The following TCERG1L variants were observed in gnomAD, a reference collection of about 807,000 sequenced individuals.
The protein encoded by TCERG1L is transcription elongation regulator 1-like protein.
In TCERG1L, 37 loss-of-function variants were observed where a neutral mutation model predicts 56.3. That is an observed-to-expected ratio of 0.66 (90% CI 0.51 to 0.87). The LOEUF is 0.87. Among genes scored for constraint, TCERG1L ranks in the 40% least tolerant of loss-of-function variants. The pLI is 0.00. For synonymous variants in TCERG1L, 324 were observed against 326.3 expected (o/e 0.99, Z 0.08); for missense variants, 799 against 774.2 (o/e 1.03, Z -0.38).
chr10:131,177,091 C>G (rs1309303002), intron 4 of TCERG1L, among the ~76,000 whole-genome samples: 5 of 101,718 alleles, frequency 4.9e-5, no homozygotes, highest in Non-Finnish European at 9.4e-5. Flanking sequence ...CACGTACTCA[C>G]AGACACATGC....
intron 4 of TCERG1L, among the ~76,000 whole-genome samples, chr10:131,198,733 T>C (rs1037920343): frequency 3.9e-5 from 6 of 152,184 alleles, no homozygotes; most frequent in African/African-American, 1.4e-4. Flanking sequence ...CTCTCATGTA[T>C]CCACTAGGCA....
At chr10:131,102,424 C>T (rs1311678692) in intron 10 of TCERG1L, among the ~76,000 whole-genome samples, 1 of 152,178 alleles carries the variant, frequency 6.6e-6, no homozygotes, top group African/African-American at 2.4e-5. Flanking sequence ...GTCCATGTGA[C>T]TGAGACTCTG....
At chr10:131,193,910 T>TCA (rs1176803923) in intron 4 of TCERG1L, among the ~76,000 whole-genome samples, 1 of 152,244 alleles carries the variant, frequency 6.6e-6, no homozygotes, top group African/African-American at 2.4e-5. Context: ...AGCACAGCCC[T>TCA]GTGTACCCCT....
chr10:131,104,232 C>T, intron 10 of TCERG1L, 33 bp downstream of exon 10: 1 of 1,416,642 alleles, frequency 7.1e-7, no homozygotes, highest in Non-Finnish European at 9.8e-7. Context: ...CATGCCATGT[C>T]TCTGCAGTCA....
Position 131,104,313 on chromosome 10 carries a change from G to A in TCERG1L, c.1437C>T (p.Ile479=), listed in dbSNP as rs545104594. ...FSTWEKELHK[I]VFDPRYLLLN... ...GCAGGAGATAGCGTGGGTCAAACACGATTTTGTGTAATTCTTTCTCCCAGG... is the reference window on the plus strand; with the variant it reads ...GCAGGAGATAGCGTGGGTCAAACACAATTTTGTGTAATTCTTTCTCCCAGG... The change falls in exon 10 of 12, where the codon ATC becomes ATT. Residue 479 remains isoleucine, a synonymous_variant. Transcript: ENST00000368642. The A allele has an allele frequency of 1.7e-5, 26 of 1,550,714 alleles. No individual in the cohort carries two copies. The highest frequency in any genetic ancestry group is 1.4e-4 in the South Asian group (12 of 84,010).
chr10:131,110,148 G>C (rs1303143173), intron 9 of TCERG1L, among the ~76,000 whole-genome samples: 1 of 152,202 alleles, frequency 6.6e-6, no homozygotes, highest in Non-Finnish European at 1.5e-5. Context: ...TTTCACAGCG[G>C]TTTTCAACAT....
At chr10:131,302,339 T>G (rs1318977168) in intron 3 of TCERG1L, among the ~76,000 whole-genome samples, 46 of 141,038 alleles carry the variant, frequency 3.3e-4, no homozygotes, top group African/African-American at 4.1e-4. Context: ...TGTTTTTTTG[T>G]TTTTTTTTTT....
chr10:131,221,570 C>T (rs1845732063), intron 4 of TCERG1L, among the ~76,000 whole-genome samples: 1 of 152,184 alleles, frequency 6.6e-6, no homozygotes, highest in African/African-American at 2.4e-5. Flanking sequence ...ATGTGGCACT[C>T]AGAAGATAAC....
At chr10:131,257,045 GAAAGAAAGA>G (rs1564827252) in intron 4 of TCERG1L, among the ~76,000 whole-genome samples, 3 of 140,270 alleles carry the variant, frequency 2.1e-5, no homozygotes, top group African/African-American at 8.0e-5. Flanking sequence ...AAGAAAGAAA[GAAAGAAAGA>G]AAAGAAAGAA....
At chr10:131,171,769 C>T (rs1316935409) in intron 4 of TCERG1L, among the ~76,000 whole-genome samples, 1 of 152,138 alleles carries the variant, frequency 6.6e-6, no homozygotes, top group Non-Finnish European at 1.5e-5. Context: ...TAGGGTTTCA[C>T]CATGTTGGCC....
intron 1 of TCERG1L, among the ~76,000 whole-genome samples, chr10:131,309,527 T>C (rs1846856184): frequency 6.6e-6 from 1 of 152,188 alleles, no homozygotes; most frequent in Non-Finnish European, 1.5e-5. Context: ...ATTGCATTCT[T>C]CAATACTGAA....
rs376941058 is a variant in TCERG1L at position 131,204,146 on chromosome 10, G to C, written c.857-37261C>G. On this transcript the variant is annotated intron_variant, in intron 4 of 11. Transcript: ENST00000368642. ...GGACACAGCAAGGAGGCGCCATCTT[G>C]GAAGCCTGGTGGCTTAGCACTGGGC... Among the ~76,000 whole-genome samples the C allele has an allele frequency of 1.2e-3, 177 of 152,342 alleles. 9 individuals are homozygous for C. The South Asian group carries it at 0.036, about 31-fold the overall frequency.
intron 4 of TCERG1L, among the ~76,000 whole-genome samples, chr10:131,169,834 C>T (rs868327171): frequency 6.6e-6 from 1 of 152,082 alleles, no homozygotes. Context: ...GCGAGGAGGC[C>T]GTAAGCCCAT....
intron 11 of TCERG1L, among the ~76,000 whole-genome samples, chr10:131,096,096 C>T (rs61548677): frequency 0.095 from 14,435 of 152,232 alleles, 787 homozygotes; most frequent in African/African-American, 0.14. Context: ...CCCTGCAACT[C>T]CTCACGCCAT....
chr10:131,198,446 G>A (rs543146242), intron 4 of TCERG1L, among the ~76,000 whole-genome samples: 1 of 152,384 alleles, frequency 6.6e-6, no homozygotes, highest in South Asian at 2.1e-4. Flanking sequence ...TTTATGACAA[G>A]AGGTGTCTCT....
chr10:131,213,871 C>T (rs952618279), intron 4 of TCERG1L, among the ~76,000 whole-genome samples: 2 of 152,204 alleles, frequency 1.3e-5, no homozygotes, highest in African/African-American at 2.4e-5. Context: ...GCCCTAGCCA[C>T]GGCCCAGCAG....
chr10:131,123,459 C>A (rs1845532979), intron 8 of TCERG1L, among the ~76,000 whole-genome samples: 1 of 152,118 alleles, frequency 6.6e-6, no homozygotes, highest in East Asian at 1.9e-4. Flanking sequence ...TATACAAAGG[C>A]CCTAAGGTAG....
intron 11 of TCERG1L, among the ~76,000 whole-genome samples, chr10:131,097,114 T>C (rs7902389): frequency 0.25 from 36,845 of 148,806 alleles, 5,187 homozygotes; most frequent in East Asian, 0.48. Flanking sequence ...GCAGGGAGAA[T>C]TGCTTGAACC....
At chr10:131,207,697 T>C (rs2133484067) in intron 4 of TCERG1L, among the ~76,000 whole-genome samples, 1 of 152,262 alleles carries the variant, frequency 6.6e-6, no homozygotes, top group South Asian at 2.1e-4. Context: ...CGCGGGCCTC[T>C]GCAGCAAGAG....
Sources: gnomAD v4.1 joint callset for allele counts (sites outside exome capture counted in the v4.1 genomes callset) on GRCh38, gnomAD v4.1.1 for gene constraint, MANE v1.5 for transcripts, NCBI Gene and HGNC (gene_info 2026-07-23, HGNC 2026-07-21) for gene names.